The following STK38 variants were observed in gnomAD, a reference collection of about 807,000 sequenced individuals.
STK38 encodes the protein serine/threonine kinase 38.
In STK38, 26 loss-of-function variants were observed where a neutral mutation model predicts 59.0. The observed-to-expected ratio is 0.44, with a 90% CI of 0.32 to 0.61. The LOEUF (loss-of-function observed/expected upper bound fraction) is 0.61. Among genes scored for constraint, STK38 ranks in the 20% least tolerant of loss-of-function variants. The probability of loss-of-function intolerance (pLI) is 0.04; values close to 1 mark genes in which losing one functional copy is unlikely to be tolerated. For synonymous variants in STK38, 175 were observed against 176.6 expected, an observed-to-expected ratio of 0.99 and a Z score of 0.07; for missense variants, 433 against 566.0, an observed-to-expected ratio of 0.76 and a Z score of 2.38.
chr6:36,528,257 G>C (rs1163076754), intron 2 of STK38, among the ~76,000 whole-genome samples: 1 of 152,204 alleles, frequency 6.6e-6, no homozygotes, highest in African/African-American at 2.4e-5. Context: ...GTGCAAAGGA[G>C]TGATGTGATA....
chr6:36,506,187 G>A (rs1157282185), intron 9 of STK38, among the ~76,000 whole-genome samples: 1 of 152,072 alleles, frequency 6.6e-6, no homozygotes, highest in Non-Finnish European at 1.5e-5. Flanking sequence ...TTGCCCGAGT[G>A]GATCAAAATT....
intron 7 of STK38, among the ~76,000 whole-genome samples, chr6:36,514,789 A>C: frequency 6.7e-6 from 1 of 148,252 alleles, no homozygotes; most frequent in East Asian, 2.1e-4. Flanking sequence ...CGGAGGTTGC[A>C]GTGAGCTAAG....
At chr6:36,538,481 T>A (rs1430470242) in intron 2 of STK38, among the ~76,000 whole-genome samples, 2 of 152,234 alleles carry the variant, frequency 1.3e-5, no homozygotes, top group Non-Finnish European at 2.9e-5. Context: ...CTTGAACTTG[T>A]GCATTCCATT....
At chr6:36,540,029 A>C in intron 2 of STK38, 43 bp downstream of exon 2, 1 of 1,610,056 alleles carries the variant, frequency 6.2e-7, no homozygotes, top group Non-Finnish European at 8.5e-7. Flanking sequence ...CGAGAAAGGA[A>C]TGCCACAACC....
chr6:36,545,153 T>TGTG (rs1415835201), intron 1 of STK38, among the ~76,000 whole-genome samples: 1 of 150,850 alleles, frequency 6.6e-6, no homozygotes, highest in Non-Finnish European at 1.5e-5. Flanking sequence ...ATTAGCCGGG[T>TGTG]GTGGTGGTGG....
At chr6:36,515,278 A>G in intron 7 of STK38, 60 bp downstream of exon 7, 1 of 1,571,044 alleles carries the variant, frequency 6.4e-7, no homozygotes, top group Non-Finnish European at 8.6e-7. Context: ...TGCAGGTGTT[A>G]AAGCAGAGGC....
chr6:36,528,257 G>A (rs1163076754), intron 2 of STK38, among the ~76,000 whole-genome samples: 3 of 152,204 alleles, frequency 2.0e-5, no homozygotes, highest in African/African-American at 7.2e-5. Context: ...GTGCAAAGGA[G>A]TGATGTGATA....
At chr6:36,514,992 C>T (rs1033275002) in intron 7 of STK38, among the ~76,000 whole-genome samples, 1 of 151,908 alleles carries the variant, frequency 6.6e-6, no homozygotes, top group Non-Finnish European at 1.5e-5. Flanking sequence ...GATGAGGTTG[C>T]CCAACAGAAG....
intron 2 of STK38, 84 bp from the exon 3 acceptor site, chr6:36,525,726 T>A: frequency 8.9e-7 from 1 of 1,121,502 alleles, no homozygotes; most frequent in Non-Finnish European, 1.3e-6. Context: ...CTGTAGTAGA[T>A]TTTTAAAAAT....
chr6:36,524,444 G>A lies in STK38; in HGVS notation c.203C>T (p.Ala68Val). The change falls in exon 4 of 14, where the codon GCA (alanine) becomes GTA (valine). Residue 68 changes from alanine to valine, a missense_variant. Physicochemically the swap from Ala to Val is moderately conservative, Grantham distance 64. Coordinates refer to ENST00000229812, the MANE Select transcript of STK38 (RefSeq NM_007271.4). ...AAACTCTGTTTCCTTCCGAGCATGT[G>A]CTGATCTCCGGAGTCGTTTCTAATA... ...KDEEKRLRRS[A>V]HARKETEFLR... 2 of 1,606,556 alleles carry A rather than the reference G, an allele frequency of 1.2e-6. No homozygotes were observed. The highest frequency in any genetic ancestry group is 1.7e-6 in the Non-Finnish European group (2 of 1,178,004).
intron 7 of STK38, 95 bp downstream of exon 7, chr6:36,515,243 T>C: frequency 7.1e-7 from 1 of 1,417,872 alleles, no homozygotes; most frequent in Admixed American, 2.5e-5. Context: ...AGGTCACAGC[T>C]CGCCCACTGG....
At chr6:36,530,363 A>C (rs145905307) in intron 2 of STK38, among the ~76,000 whole-genome samples, 10 of 150,598 alleles carry the variant, frequency 6.6e-5, no homozygotes, top group Admixed American at 2.7e-4. Flanking sequence ...GAAAATGTCT[A>C]ATAAATACTT....
intron 7 of STK38, among the ~76,000 whole-genome samples, chr6:36,511,648 G>A (rs1345194104): frequency 2.0e-5 from 3 of 151,720 alleles, no homozygotes; most frequent in Non-Finnish European, 2.9e-5. Flanking sequence ...GAGCCACCAC[G>A]CCTGGCCTCA....
At chr6:36,527,372 C>CG (rs1777556874) in intron 2 of STK38, among the ~76,000 whole-genome samples, 1 of 149,034 alleles carries the variant, frequency 6.7e-6, no homozygotes, top group Admixed American at 6.7e-5. Context: ...TTAGTACACA[C>CG]ACACACACAC....
intron 1 of STK38, among the ~76,000 whole-genome samples, chr6:36,545,150 G>A (rs183854625): frequency 2.4e-4 from 37 of 151,704 alleles, no homozygotes; most frequent in Non-Finnish European, 3.5e-4. Context: ...AAAATTAGCC[G>A]GGTGTGGTGG....
At chr6:36,508,834 A>G (rs1777032542) in intron 7 of STK38, among the ~76,000 whole-genome samples, 1 of 152,230 alleles carries the variant, frequency 6.6e-6, no homozygotes, top group Admixed American at 6.5e-5. Flanking sequence ...AGGTAGCTCC[A>G]GGTGCCAGCA....
intron 7 of STK38, among the ~76,000 whole-genome samples, chr6:36,512,179 C>G (rs1777126853): frequency 6.6e-6 from 1 of 152,200 alleles, no homozygotes; most frequent in Non-Finnish European, 1.5e-5. Flanking sequence ...TCTGAATATG[C>G]AACAGGAACT....
intron 2 of STK38, among the ~76,000 whole-genome samples, chr6:36,530,793 G>T (rs1015185722): frequency 1.3e-4 from 20 of 151,286 alleles, no homozygotes; most frequent in Admixed American, 1.3e-3. Flanking sequence ...GGGTTCAGGT[G>T]ATTCTTGTGC....
intron 9 of STK38, among the ~76,000 whole-genome samples, chr6:36,501,216 G>A (rs1300689988): frequency 6.6e-6 from 1 of 152,066 alleles, no homozygotes; most frequent in Admixed American, 6.6e-5. Context: ...GCCTCCCAAA[G>A]TGCTGGGATT....
Sources: allele counts gnomAD v4.1 joint callset (sites outside exome capture counted in the v4.1 genomes callset), GRCh38; gene constraint gnomAD v4.1.1; transcripts MANE v1.5; gene names NCBI Gene and HGNC (gene_info 2026-07-23, HGNC 2026-07-21).